Variants in COBLL1 observed in about 807,000 individuals in gnomAD.
The protein encoded by COBLL1 is cordon-bleu protein-like 1.
COBLL1 carries 50 observed loss-of-function variants against 94.8 expected under a neutral mutation model. The ratio of observed to expected loss-of-function variants is 0.53; its 90% CI spans 0.42 to 0.67. COBLL1 has a LOEUF of 0.67. Ranked by LOEUF, COBLL1 falls within the 30% of genes least tolerant of loss-of-function variation. The pLI is 0.00. For missense variants in COBLL1, 1,362 were observed against 1,348.7 expected, an observed-to-expected ratio of 1.01 and a Z score of -0.15; for synonymous variants, 448 against 473.8, an observed-to-expected ratio of 0.95 and a Z score of 0.71.
intron 7 of COBLL1, among the ~76,000 whole-genome samples, chr2:164,719,423 T>A (rs1024637335): frequency 6.6e-6 from 1 of 152,170 alleles, no homozygotes; most frequent in Admixed American, 6.5e-5. Context: ...AACACAAATG[T>A]ATTCTTCCAC....
chr2:164,734,709 C>A (rs978135953), intron 3 of COBLL1, among the ~76,000 whole-genome samples: 2 of 152,088 alleles, frequency 1.3e-5, no homozygotes, highest in Non-Finnish European at 2.9e-5. Flanking sequence ...GAAAGAGGAG[C>A]TAGCCAGTGG....
intron 2 of COBLL1, among the ~76,000 whole-genome samples, chr2:164,770,989 C>T (rs1688174510): frequency 1.3e-5 from 2 of 152,138 alleles, no homozygotes; most frequent in South Asian, 4.2e-4. Context: ...TTGTACTGAT[C>T]TCGCATAAAG....
chr2:164,750,393 C>T (rs972621875), intron 2 of COBLL1, among the ~76,000 whole-genome samples: 2 of 152,188 alleles, frequency 1.3e-5, no homozygotes, highest in African/African-American at 4.8e-5. Flanking sequence ...TCCTCTCTGT[C>T]CTTTATCTCC....
chr2:164,829,943 T>C (rs972455915), intron 2 of COBLL1, among the ~76,000 whole-genome samples: 3 of 152,190 alleles, frequency 2.0e-5, no homozygotes, highest in Admixed American at 6.5e-5. Context: ...ATAAGAATGT[T>C]TGACATAGGT....
At chr2:164,702,502 T>C (rs1684343909) in intron 9 of COBLL1, among the ~76,000 whole-genome samples, 1 of 142,282 alleles carries the variant, frequency 7.0e-6, no homozygotes, top group Non-Finnish European at 1.5e-5. Context: ...AGGTGGAGCT[T>C]GCAGTGAGCC....
chr2:164,676,678 T>C (rs1220189684), downstream of COBLL1, among the ~76,000 whole-genome samples: 2 of 127,586 alleles, frequency 1.6e-5, no homozygotes, highest in Admixed American at 7.5e-5. Flanking sequence ...TTAACTCTGC[T>C]TTTTTTTTTT....
chr2:164,732,587 G>T (rs1686075491), intron 3 of COBLL1, among the ~76,000 whole-genome samples: 1 of 152,196 alleles, frequency 6.6e-6, no homozygotes, highest in African/African-American at 2.4e-5. Flanking sequence ...AACTGAAGGG[G>T]TAGCTGTCTG....
At position 164,704,618 on chromosome 2, in the gene COBLL1, T is replaced by G. The variant is rs114646857; in HGVS notation, c.1151-100A>C. The G allele has an allele frequency of 2.5e-3, 2,466 of 993,886 alleles. 37 individuals carry two copies. In the African/African-American group the frequency reaches 0.036, roughly 14 times the overall value. The allele number at this position is 993,886 out of a possible 1,614,324, so 61.6% of individuals were successfully genotyped here. A position where few individuals can be genotyped will look rare whatever the true frequency, so the allele number is the denominator to read the frequency against. Reference sequence around the variant, plus strand: ...TATATAGTTCAGAAAGCAGTAAGCCTTGCTAGAAGCCATTTTACTATCTAG... The same window carrying G: ...TATATAGTTCAGAAAGCAGTAAGCCGTGCTAGAAGCCATTTTACTATCTAG... On this transcript the variant is annotated intron_variant, in intron 8 of 13. Transcript: ENST00000652658.
intron 4 of COBLL1, among the ~76,000 whole-genome samples, chr2:164,728,884 G>A (rs1418959695): frequency 6.6e-6 from 1 of 151,918 alleles, no homozygotes; most frequent in East Asian, 1.9e-4. Context: ...ATCATTTTAT[G>A]TAATTGAATT....
intron 13 of COBLL1, among the ~76,000 whole-genome samples, chr2:164,690,388 G>C (rs1683530016): frequency 6.6e-6 from 1 of 152,122 alleles, no homozygotes; most frequent in Non-Finnish European, 1.5e-5. Flanking sequence ...AAAGTAATTA[G>C]TTTTAAACAG....
chr2:164,702,575 A>AAATAATAATAAT (rs1273369266), intron 9 of COBLL1, among the ~76,000 whole-genome samples: 2 of 135,068 alleles, frequency 1.5e-5, no homozygotes, highest in Admixed American at 7.7e-5. Context: ...AAAAAAAAAA[A>AAATAATAATAAT]AATAATAATA....
intron 4 of COBLL1, among the ~76,000 whole-genome samples, chr2:164,728,852 C>T (rs79916544): frequency 0.15 from 23,203 of 151,728 alleles, 1,910 homozygotes; most frequent in East Asian, 0.3. Flanking sequence ...TTTAAAATTA[C>T]TACAAAGATT....
chr2:164,778,624 C>A (rs1049073356), intron 2 of COBLL1, among the ~76,000 whole-genome samples: 1 of 152,080 alleles, frequency 6.6e-6, no homozygotes, highest in Non-Finnish European at 1.5e-5. Context: ...CCAAGCAAAG[C>A]CTTGTAGGCC....
At position 164,674,685 on chromosome 2, in the gene COBLL1, GTCTACCCTCAT is replaced by G. The variant is rs1574390901; in HGVS notation, n.127-8795_127-8785del. 2.6e-5 allele frequency among the ~76,000 whole-genome samples: 4 copies of G among 152,200 alleles called. 1 individual carries two copies. In the East Asian group the frequency reaches 7.7e-4, roughly 29 times the overall value. ...AGAGGGCAAACAAGATAGATATGGA[GTCTACCCTCAT>G]GGGAAAAATTGGGTAAACAGCTTTT... On this transcript the variant is annotated intron_variant and non_coding_transcript_variant, in intron 1 of 2. Transcript: ENST00000495084.
chr2:164,659,751 T>C (rs1223534083), intron 2 of COBLL1, among the ~76,000 whole-genome samples: 1 of 152,188 alleles, frequency 6.6e-6, no homozygotes, highest in East Asian at 1.9e-4. Context: ...GCAGAAATCT[T>C]TCCTTCTTGC....
chr2:164,783,523 T>G (rs1281497183), intron 2 of COBLL1, among the ~76,000 whole-genome samples: 1 of 152,088 alleles, frequency 6.6e-6, no homozygotes, highest in African/African-American at 2.4e-5. Flanking sequence ...AGTGAATCAG[T>G]GTGGTCAGAA....
chr2:164,840,561 G>C (rs1411351367), intron 2 of COBLL1: 2 of 151,514 alleles, frequency 1.3e-5, no homozygotes, highest in African/African-American at 4.9e-5. Context: ...AAAAAGAAAA[G>C]TAGAGTTGTT....
chr2:164,806,158 GA>G (rs961585003), intron 2 of COBLL1, among the ~76,000 whole-genome samples: 24 of 145,426 alleles, frequency 1.7e-4, no homozygotes, highest in East Asian at 6.0e-4. Flanking sequence ...AAAAGGGAAG[GA>G]AAAAAAAAAA....
At chr2:164,739,406 T>TG (rs1686482546) in intron 3 of COBLL1, among the ~76,000 whole-genome samples, 1 of 152,146 alleles carries the variant, frequency 6.6e-6, no homozygotes. Context: ...ATGAGATCTA[T>TG]GGGGGGACTT....
Sources: allele counts gnomAD v4.1 joint callset (sites outside exome capture counted in the v4.1 genomes callset), GRCh38; gene constraint gnomAD v4.1.1; transcripts MANE v1.5; gene names NCBI Gene and HGNC (gene_info 2026-07-23, HGNC 2026-07-21).